The following IQGAP1 variants were observed in gnomAD, a reference collection of about 807,000 sequenced individuals.
The protein encoded by IQGAP1 is ras GTPase-activating-like protein IQGAP1.
In IQGAP1, 66 loss-of-function variants were observed where a neutral mutation model predicts 215.6. The observed-to-expected ratio is 0.31, with a 90% CI of 0.25 to 0.38. IQGAP1 has a LOEUF of 0.38. Among genes scored for constraint, IQGAP1 ranks in the 10% least tolerant of loss-of-function variants. The probability of loss-of-function intolerance (pLI) is 1.00; values close to 1 mark genes in which losing one functional copy is unlikely to be tolerated. For missense variants in IQGAP1, 1,712 were observed against 1,997.1 expected (o/e 0.86, Z 2.72); for synonymous variants, 772 against 728.7 (o/e 1.06, Z -0.96).
At chr15:90,419,217 A>T (rs1473665722) in intron 2 of IQGAP1, among the ~76,000 whole-genome samples, 1 of 152,062 alleles carries the variant, frequency 6.6e-6, no homozygotes, top group Non-Finnish European at 1.5e-5. Context: ...TACTTGCCAG[A>T]TAATCTTGGA....
In IQGAP1 at chr15:90,500,326, T is replaced by C. The variant is rs1966325734; in HGVS notation, c.*218T>C. 4.3e-6 allele frequency: 2 copies of C among 460,512 alleles called. No homozygotes were observed. Among genetic ancestry groups the C allele is most frequent in the Non-Finnish European group, 7.9e-6 (2 of 253,042 alleles). 28.5% of individuals were successfully genotyped at this position (460,512 alleles called of 1,614,324 possible). ...TGTGTTTCAGGCTTAGTCTGACCTT[T>C]CTGGTTTCTTCATTTTCTTCCATTA... On this transcript the variant is annotated 3_prime_UTR_variant, in exon 38 of 38. Coordinates refer to ENST00000268182, the MANE Select transcript of IQGAP1 (RefSeq NM_003870.4).
Position 90,494,790 on chromosome 15 carries a change from A to G in IQGAP1, c.4706A>G (p.His1569Arg), listed in dbSNP as rs1183354739. Reference sequence around the variant, plus strand: ...CTGAAATATACAGCAGCAAGACTACATGAAAAAGGAGTTCTTCTGGAAATT... The same window carrying G: ...CTGAAATATACAGCAGCAAGACTACGTGAAAAAGGAGTTCTTCTGGAAATT... The part of the protein sequence containing the change: ...ISLKYTAARL[H>R]EKGVLLEIED... The change falls in exon 36 of 38, where the codon CAT becomes CGT. Residue 1569 changes from histidine to arginine, a missense_variant. Coordinates refer to ENST00000268182, the MANE Select transcript of IQGAP1 (RefSeq NM_003870.4). 3 of 1,607,932 alleles carry G rather than the reference A, an allele frequency of 1.9e-6. No individual in the cohort carries two copies. The highest frequency in any genetic ancestry group is 2.7e-5 in the African/African-American group (2 of 74,700).
chr15:90,423,781 C>T (rs1331735502), intron 2 of IQGAP1, among the ~76,000 whole-genome samples: 3 of 152,166 alleles, frequency 2.0e-5, no homozygotes, highest in African/African-American at 7.2e-5. Context: ...AGCATTCTAC[C>T]CAGCTATAGG....
intron 25 of IQGAP1, 29 bp downstream of exon 25, chr15:90,477,259 C>G: frequency 6.3e-7 from 1 of 1,595,388 alleles, no homozygotes; most frequent in Non-Finnish European, 8.6e-7. Flanking sequence ...AGGGCACAGG[C>G]CCCTTCCCAC....
At chr15:90,467,685 C>A in intron 18 of IQGAP1, 93 bp downstream of exon 18, 1 of 1,307,988 alleles carries the variant, frequency 7.6e-7, no homozygotes. Flanking sequence ...TGGTCAGAAG[C>A]CCTAGACTAA....
rs1020294029 is a variant in IQGAP1, at chr15:90,487,520, A to G, written c.4186A>G (p.Ile1396Val). 1 of 1,614,100 alleles carries G rather than the reference A, an allele frequency of 6.2e-7. No homozygotes were observed. Among genetic ancestry groups the G allele is most frequent in the Non-Finnish European group, 8.5e-7 (1 of 1,179,946 alleles). Residue 1396 changes from isoleucine (I) to valine (V), a missense_variant, in exon 33 of 38, where the codon ATC becomes GTC. Ile to Val is a conservative substitution (Grantham distance 29). Coordinates refer to ENST00000268182, the MANE Select transcript of IQGAP1 (RefSeq NM_003870.4). Reference sequence around the variant, plus strand: ...TACAAAACGTTTAATTGTGGATGTCATCCGGTTCCAGCCAGGAGAGACCTT... The same window carrying G: ...TACAAAACGTTTAATTGTGGATGTCGTCCGGTTCCAGCCAGGAGAGACCTT... Reference protein sequence around the residue: ...LNTKRLIVDVIRFQPGETLTE... With the variant: ...LNTKRLIVDVVRFQPGETLTE...
chr15:90,459,474 A>C (rs7169896), intron 15 of IQGAP1, among the ~76,000 whole-genome samples: 2,236 of 152,336 alleles, frequency 0.015, 44 homozygotes, highest in African/African-American at 0.051. Context: ...TAAATAATTC[A>C]AAAGGCTGTG....
Position 90,468,071 on chromosome 15 carries a change from T to TG in IQGAP1, c.2178+479_2178+480insG, listed in dbSNP as rs58560051. Among the ~76,000 whole-genome samples the TG allele has an allele frequency of 3.1e-3, 417 of 134,986 alleles. 1 individual carries two copies. Among genetic ancestry groups the TG allele is most frequent in the Non-Finnish European group, 3.9e-3 (251 of 63,710 alleles). 88.6% of individuals were successfully genotyped at this position (134,986 alleles called of 152,430 possible). On this transcript the variant is annotated intron_variant, in intron 18 of 37. Transcript: ENST00000268182. Reference sequence around the variant, plus strand: ...GTTTTTGTTTGTTTGTTTGTTTGTTTTTTGTTTTTTTTTTGAAACAGAGTC... The same window carrying TG: ...GTTTTTGTTTGTTTGTTTGTTTGTTTGTTTGTTTTTTTTTTGAAACAGAGTC...
chr15:90,487,644 G>A (rs1966145737), intron 33 of IQGAP1, 62 bp downstream of exon 33: 1 of 1,120,444 alleles, frequency 8.9e-7, no homozygotes, highest in Non-Finnish European at 1.3e-6. Context: ...ATAGGCGCAT[G>A]TCAGAGAAAG....
At chr15:90,460,779 G>A (rs1372284008) in intron 15 of IQGAP1, among the ~76,000 whole-genome samples, 1 of 151,958 alleles carries the variant, frequency 6.6e-6, no homozygotes, top group Non-Finnish European at 1.5e-5. Flanking sequence ...CGGGTGGATA[G>A]TTTGAGCCCA....
At chr15:90,467,014 C>A (rs1965842185) in intron 17 of IQGAP1, among the ~76,000 whole-genome samples, 1 of 152,100 alleles carries the variant, frequency 6.6e-6, no homozygotes, top group African/African-American at 2.4e-5. Context: ...ATCGCCTGAA[C>A]CCGGGAGGCA....
chr15:90,488,316 T>C (rs1347358874), intron 33 of IQGAP1, among the ~76,000 whole-genome samples: 1 of 152,148 alleles, frequency 6.6e-6, no homozygotes, highest in Non-Finnish European at 1.5e-5. Flanking sequence ...TTAAATCATC[T>C]CTAGACTACT....
At chr15:90,415,135 A>G (rs1470837485) in intron 2 of IQGAP1, among the ~76,000 whole-genome samples, 1 of 152,200 alleles carries the variant, frequency 6.6e-6, no homozygotes, top group Non-Finnish European at 1.5e-5. Context: ...ATAGCTGAAG[A>G]TGGTGATATT....
chr15:90,495,651 CTT>C (rs199894206), intron 36 of IQGAP1, among the ~76,000 whole-genome samples: 2 of 140,060 alleles, frequency 1.4e-5, no homozygotes, highest in Non-Finnish European at 3.1e-5. Context: ...TTTTCTTCTT[CTT>C]TTTTTTTTTT....
chr15:90,408,922 G>A (rs1281528003), intron 2 of IQGAP1, among the ~76,000 whole-genome samples: 2 of 152,240 alleles, frequency 1.3e-5, no homozygotes, highest in South Asian at 2.1e-4. Context: ...CTTGTGAGTA[G>A]CTGGGACTGC....
chr15:90,450,254 G>C (rs1377665099), intron 11 of IQGAP1, among the ~76,000 whole-genome samples: 1 of 144,378 alleles, frequency 6.9e-6, no homozygotes, highest in Non-Finnish European at 1.5e-5. Flanking sequence ...GCCTTTCTGT[G>C]TCTGGCTTAT....
chr15:90,415,728 A>G (rs1256765043), intron 2 of IQGAP1, among the ~76,000 whole-genome samples: 1 of 152,072 alleles, frequency 6.6e-6, no homozygotes, highest in Non-Finnish European at 1.5e-5. Context: ...ATTGTTAATC[A>G]TTCTCTTTCC....
chr15:90,466,999 G>A (rs551567178), intron 17 of IQGAP1, among the ~76,000 whole-genome samples: 3 of 152,236 alleles, frequency 2.0e-5, no homozygotes, highest in Non-Finnish European at 2.9e-5. Context: ...GGCTGGGGCC[G>A]GAGAATCGCC....
In IQGAP1 at chr15:90,500,745, T is replaced by G. The variant is rs1966329783; in HGVS notation, c.*637T>G. On this transcript the variant is annotated 3_prime_UTR_variant, in exon 38 of 38. Transcript: ENST00000268182. ...AAGGAGATAATGTTTTTAAATTTCATTATCAAACTTGGGCAATTCTGTTTG... is the reference window on the plus strand; with the variant it reads ...AAGGAGATAATGTTTTTAAATTTCAGTATCAAACTTGGGCAATTCTGTTTG... The G allele has an allele frequency of 1.3e-5, 2 of 152,252 alleles. No homozygotes were observed. The highest frequency in any genetic ancestry group is 4.1e-4 in the South Asian group (2 of 4,832). The allele number at this position is 152,252 out of a possible 1,614,324, so 9.4% of individuals were successfully genotyped here. A position where few individuals can be genotyped will look rare whatever the true frequency, so the allele number is the denominator to read the frequency against.
Sources: allele counts gnomAD v4.1 joint callset (sites outside exome capture counted in the v4.1 genomes callset), GRCh38; gene constraint gnomAD v4.1.1; transcripts MANE v1.5; gene names NCBI Gene and HGNC (gene_info 2026-07-23, HGNC 2026-07-21).